POLR2E: variants seen among roughly 807,000 people sequenced by gnomAD.
POLR2E encodes the protein RNA polymerase II, I and III subunit E.
A neutral mutation model predicts 29.8 loss-of-function variants in POLR2E; 35 were observed. The observed-to-expected ratio is 1.17, with a 90% CI of 0.90 to 1.55. POLR2E has a LOEUF of 1.55. POLR2E is among the 40% of genes most tolerant of loss of function. POLR2E has a pLI of 0.00. For synonymous variants in POLR2E, 174 were observed against 112.6 expected (o/e 1.55, Z -3.45); for missense variants, 287 against 288.6 (o/e 0.99, Z 0.04).
chr19:1,092,242 C>G (rs1599794924), intron 2 of POLR2E: 1 of 266,474 alleles, frequency 3.8e-6, no homozygotes, highest in African/African-American at 2.2e-5. Context: ...ACCTCTCCAA[C>G]AAGCAGACCT....
At position 1,086,743 on chromosome 19, in the gene POLR2E, T is replaced by TA. The variant is rs1446397154; in HGVS notation, c.*1991dup. 1 of 152,034 alleles carries TA rather than the reference T, an allele frequency of 6.6e-6. No individual in the cohort carries two copies. Among genetic ancestry groups the TA allele is most frequent in the Non-Finnish European group, 1.5e-5 (1 of 67,870 alleles). 9.4% of individuals were successfully genotyped at this position (152,034 alleles called of 1,614,324 possible). ...CGTGGCGTGGCCCTGGGCCTCCCCC[T>TA]AGGGGAGGGATGTGTGAGGAAGGGA... is the stretch of plus-strand genomic sequence containing the variant. On this transcript the variant is annotated 3_prime_UTR_variant, in exon 8 of 8. Coordinates refer to ENST00000615234, the MANE Select transcript of POLR2E (RefSeq NM_002695.5).
Position 1,090,112 on chromosome 19 carries a change from C to G in POLR2E, c.463G>C (p.Glu155Gln). ...VPEHVVMTKEEVTELLARYKL... is the reference protein window; with the variant it reads ...VPEHVVMTKEQVTELLARYKL... The stretch of plus-strand genomic sequence containing the variant: ...TATCGGGCCAGCAGCTCTGTCACCT[C>G]CTCCTTGGTCATGACGACGTGCTCA... Residue 155 changes from glutamate to glutamine, a missense_variant, in exon 5 of 8, where the codon GAG becomes CAG. Physicochemically the swap from Glu to Gln is conservative, Grantham distance 29. Coordinates refer to ENST00000615234, the MANE Select transcript of POLR2E (RefSeq NM_002695.5). 6.2e-7 allele frequency: 1 copy of G among 1,612,654 alleles called. No individual in the cohort carries two copies. Among genetic ancestry groups the G allele is most frequent in the Non-Finnish European group, 8.5e-7 (1 of 1,179,950 alleles).
In POLR2E at chr19:1,086,651, C is replaced by G; in HGVS notation, c.*2084G>C. 1 of 150,032 alleles carries G rather than the reference C, an allele frequency of 6.7e-6. No homozygotes were observed. Among genetic ancestry groups the G allele is most frequent in the African/African-American group, 2.5e-5 (1 of 39,842 alleles). The allele number at this position is 150,032 out of a possible 1,614,324, so 9.3% of individuals were successfully genotyped here. ...GGGTGTTTTCTGTGGCAGCTGCAAG[C>G]TTAGAAGATTTTCTGTGGCAGCTGC... On this transcript the variant is annotated 3_prime_UTR_variant, in exon 8 of 8. Coordinates refer to ENST00000615234, the MANE Select transcript of POLR2E (RefSeq NM_002695.5).
Position 1,094,158 on chromosome 19 carries a change from C to T in POLR2E, c.58-80G>A, listed in dbSNP as rs538794049. On this transcript the variant is annotated intron_variant, in intron 1 of 7. Transcript: ENST00000615234. ...GCTCGTGACCCGGAAGTCAGACCTG[C>T]GGCTGCTGCAGAGGACAGAGGTGAA... 1.7e-3 allele frequency: 2,388 copies of T among 1,367,438 alleles called. 6 individuals are homozygous for T. Among genetic ancestry groups the T allele is most frequent in the Non-Finnish European group, 1.8e-3 (1,760 of 991,562 alleles). 84.7% of individuals were successfully genotyped at this position (1,367,438 alleles called of 1,614,324 possible).
chr19:1,089,868 T>C lies in POLR2E; in HGVS notation c.567+16A>G. On this transcript the variant is annotated intron_variant, in intron 6 of 7. Transcript: ENST00000615234. ...CTCAGAGCAGCCCCAGGGCCCCTTC[T>C]CCCCACAGGGCTCACCTGCCCACGC... is the stretch of plus-strand genomic sequence containing the variant. 1 of 1,602,946 alleles carries C rather than the reference T, an allele frequency of 6.2e-7. No individual in the cohort carries two copies. The highest frequency in any genetic ancestry group is 8.5e-7 in the Non-Finnish European group (1 of 1,172,472).
intron 2 of POLR2E, chr19:1,093,690 G>C: frequency 1.5e-6 from 2 of 1,321,122 alleles, no homozygotes; most frequent in South Asian, 3.5e-5. Context: ...AGAGAGAAGG[G>C]GACTGAGAGG....
intron 6 of POLR2E, 124 bp downstream of exon 6, chr19:1,089,760 G>A: frequency 1.2e-6 from 1 of 829,650 alleles, no homozygotes; most frequent in Non-Finnish European, 2.0e-6. Context: ...TTGGGGGTGT[G>A]GTCTCGAGGT....
chr19:1,090,933 A>G lies in POLR2E; in HGVS notation c.404T>C (p.Leu135Pro), dbSNP rs752979834. 6.3e-5 allele frequency: 102 copies of G among 1,613,460 alleles called. No homozygotes were observed. The highest frequency in any genetic ancestry group is 8.3e-5 in the Non-Finnish European group (98 of 1,179,988). ...YILEQFLQQE[L>P]LINITEHELV... is the part of the protein sequence containing the mutation. Reference sequence around the variant, plus strand: ...CTCGTGCTCCGTGATGTTGATGAGCAGCTCCTGCTGCAGAAACTGCTCCAG... The same window carrying G: ...CTCGTGCTCCGTGATGTTGATGAGCGGCTCCTGCTGCAGAAACTGCTCCAG... The change falls in exon 4 of 8, where the codon CTG becomes CCG. Residue 135 changes from leucine to proline, a missense_variant. By Grantham distance (98) the Leu-to-Pro change is moderately conservative. Transcript: ENST00000615234.
intron 1 of POLR2E, chr19:1,095,052 C>A: frequency 7.9e-6 from 4 of 505,418 alleles, no homozygotes; most frequent in South Asian, 4.6e-5. Flanking sequence ...CGCACCCAGA[C>A]GTCTCGAAAC....
intron 2 of POLR2E, among the ~76,000 whole-genome samples, chr19:1,092,895 A>AAG (rs1035602453): frequency 6.7e-6 from 1 of 148,700 alleles, no homozygotes; most frequent in African/African-American, 2.5e-5. Flanking sequence ...AAAAAAAAAA[A>AAG]AAAAAAAAGA....
At chr19:1,090,344 G>A (rs1018538639) in intron 4 of POLR2E, among the ~76,000 whole-genome samples, 199 bp from the exon 5 acceptor site, 15 of 151,504 alleles carry the variant, frequency 9.9e-5, no homozygotes, top group Admixed American at 4.6e-4. Flanking sequence ...GGGCTTCTGA[G>A]GCAGACGGGC....
At chr19:1,088,922 G>C (rs769711394) in intron 7 of POLR2E, among the ~76,000 whole-genome samples, 4 of 152,160 alleles carry the variant, frequency 2.6e-5, no homozygotes, top group Non-Finnish European at 5.9e-5. Context: ...CCGTGCCAGC[G>C]TCAGACCAGG....
intron 3 of POLR2E, 57 bp downstream of exon 3, chr19:1,091,735 T>C: frequency 1.7e-6 from 2 of 1,200,738 alleles, no homozygotes; most frequent in East Asian, 2.4e-5. Flanking sequence ...TGGGTACTGC[T>C]TGCGGGAGGA....
At chr19:1,092,315 G>C in intron 2 of POLR2E, 1 of 183,656 alleles carries the variant, frequency 5.4e-6, no homozygotes, top group South Asian at 1.0e-4. Flanking sequence ...GCTCACACCT[G>C]TAATCCTAGC....
In POLR2E at chr19:1,094,014, T is replaced by C; in HGVS notation, c.122A>G (p.Lys41Arg). The C allele has an allele frequency of 6.2e-7, 1 of 1,613,762 alleles. No individual in the cohort carries two copies. The highest frequency in any genetic ancestry group is 8.5e-7 in the Non-Finnish European group (1 of 1,179,904). ...ACTCGGCTTGTCCCCAGATTGGGCT[T>C]TGAACTCCTCCAGGGTCTGGTCAAG... is the stretch of plus-strand genomic sequence containing the variant. Reference protein sequence around the residue: ...DELDQTLEEFKAQSGDKPSEG... With the variant: ...DELDQTLEEFRAQSGDKPSEG... Residue 41 changes from lysine (K) to arginine (R), a missense_variant, in exon 2 of 8, where the codon AAA (lysine) becomes AGA (arginine). Transcript: ENST00000615234.
At chr19:1,089,707 G>A (rs368814839) in intron 6 of POLR2E, 156 bp from the exon 7 acceptor site, 10 of 793,054 alleles carry the variant, frequency 1.3e-5, no homozygotes, top group African/African-American at 8.5e-5. Flanking sequence ...CCTGGGTCAC[G>A]CTCTTCTCTG....
chr19:1,091,905 C>A lies in POLR2E; in HGVS notation c.235G>T (p.Glu79Ter), dbSNP rs140799064. Reference sequence around the variant, plus strand: ...ATGGTCTTGATGCCCACCTTGGGCTCCTCTGCAGACAGAGAGTGTGCTGGC... The same window carrying A: ...ATGGTCTTGATGCCCACCTTGGGCTACTCTGCAGACAGAGAGTGTGCTGGC... ...TDQMFVFFPE[E>*]PKVGIKTIKV... Residue 79 changes from glutamate (E) to a stop codon, truncating the protein, a stop_gained and splice_region_variant, in exon 3 of 8, where the codon GAG (glutamate) becomes TAG (stop). Transcript: ENST00000615234. LOFTEE classifies it high-confidence loss of function. 90 of 1,604,002 alleles carry A rather than the reference C, an allele frequency of 5.6e-5. No homozygotes were observed. The African/African-American group carries it at 9.6e-4, about 17-fold the overall frequency.
Position 1,093,889 on chromosome 19 carries a change from G to A in POLR2E, c.232+15C>T. On this transcript the variant is annotated intron_variant, in intron 2 of 7. Coordinates refer to ENST00000615234, the MANE Select transcript of POLR2E (RefSeq NM_002695.5). The stretch of plus-strand genomic sequence containing the variant: ...TGGTGGCTTCACCGGAACTCCCCCG[G>A]GACCCGCTGCTCACCTGGAAAGAAC... The A allele has an allele frequency of 1.9e-6, 3 of 1,566,962 alleles. No homozygotes were observed. Among genetic ancestry groups the A allele is most frequent in the Non-Finnish European group, 1.7e-6 (2 of 1,154,628 alleles).
chr19:1,088,815 T>G (rs1702561926), intron 7 of POLR2E, 95 bp from the exon 8 acceptor site: 1 of 152,532 alleles, frequency 6.6e-6, no homozygotes, highest in Admixed American at 6.5e-5. Flanking sequence ...GCGGGAGGCC[T>G]GGCAGGAGGC....
Sources: allele counts gnomAD v4.1 joint callset (sites outside exome capture counted in the v4.1 genomes callset), GRCh38; gene constraint gnomAD v4.1.1; transcripts MANE v1.5; gene names NCBI Gene and HGNC (gene_info 2026-07-23, HGNC 2026-07-21).